Variants in EIPR1 observed in about 807,000 individuals in gnomAD.
The protein encoded by EIPR1 is EARP and GARP complex-interacting protein 1.
In EIPR1, 25 loss-of-function variants were observed where a neutral mutation model predicts 48.1. The ratio of observed to expected loss-of-function variants is 0.52; its 90% CI spans 0.38 to 0.73. The LOEUF (loss-of-function observed/expected upper bound fraction) is 0.73. Among genes scored for constraint, EIPR1 ranks in the 30% least tolerant of loss-of-function variants. EIPR1 has a pLI of 0.00. For synonymous variants in EIPR1, 204 were observed against 201.9 expected (o/e 1.01, Z -0.09); for missense variants, 415 against 506.2 (o/e 0.82, Z 1.73).
At chr2:3,307,135 G>T (rs1339744677) in intron 3 of EIPR1, among the ~76,000 whole-genome samples, 1 of 151,848 alleles carries the variant, frequency 6.6e-6, no homozygotes, top group Non-Finnish European at 1.5e-5. Flanking sequence ...GCTAATTTTT[G>T]TATTTTAGTA....
intron 1 of EIPR1, among the ~76,000 whole-genome samples, chr2:3,366,145 G>A (rs989276580): frequency 1.3e-5 from 2 of 151,996 alleles, no homozygotes; most frequent in Admixed American, 1.3e-4. Context: ...CTGTCTCTAC[G>A]AAAAATACAA....
intron 8 of EIPR1, among the ~76,000 whole-genome samples, chr2:3,190,004 G>C (rs1220199293): frequency 6.6e-6 from 1 of 152,118 alleles, no homozygotes; most frequent in Non-Finnish European, 1.5e-5. Flanking sequence ...AGCCTTGCTA[G>C]GATGGGAGTG....
chr2:3,229,802 A>G (rs1365462026), intron 4 of EIPR1, among the ~76,000 whole-genome samples: 1 of 152,212 alleles, frequency 6.6e-6, no homozygotes, highest in Non-Finnish European at 1.5e-5. Flanking sequence ...TCAACGGTTT[A>G]TCCTTCTGTT....
intron 4 of EIPR1, among the ~76,000 whole-genome samples, chr2:3,244,377 A>C (rs1306556612): frequency 1.3e-5 from 2 of 152,208 alleles, no homozygotes; most frequent in East Asian, 3.8e-4. Context: ...CAGGCATAAC[A>C]TTTTAAAATT....
chr2:3,194,272 G>T (rs914744376), intron 6 of EIPR1, 106 bp from the exon 7 acceptor site: 10 of 1,413,448 alleles, frequency 7.1e-6, no homozygotes, highest in East Asian at 2.3e-5. Context: ...CTAATCCCCC[G>T]GCCCAGGGTG....
At chr2:3,348,764 A>C (rs1320120341) in intron 2 of EIPR1, among the ~76,000 whole-genome samples, 3 of 152,242 alleles carry the variant, frequency 2.0e-5, no homozygotes, top group Admixed American at 2.0e-4. Context: ...GACCTGAGGC[A>C]ACACCAGGAG....
chr2:3,323,819 G>C (rs1243023460), intron 3 of EIPR1, among the ~76,000 whole-genome samples: 1 of 152,198 alleles, frequency 6.6e-6, no homozygotes, highest in East Asian at 1.9e-4. Context: ...TAGTATCACG[G>C]GGCTAAATGA....
At chr2:3,200,605 G>A (rs1177477309) in intron 5 of EIPR1, among the ~76,000 whole-genome samples, 9 of 152,160 alleles carry the variant, frequency 5.9e-5, no homozygotes, top group East Asian at 5.8e-4. Context: ...CAGCCGCCAC[G>A]TGTGGGGCCT....
chr2:3,365,925 GC>G (rs1204548657), intron 1 of EIPR1, among the ~76,000 whole-genome samples: 1 of 123,464 alleles, frequency 8.1e-6, no homozygotes, highest in Admixed American at 8.9e-5. Flanking sequence ...GGGGGAGTCA[GC>G]CCCCCGCCCG....
intron 3 of EIPR1, among the ~76,000 whole-genome samples, chr2:3,337,454 T>A (rs1670101673): frequency 6.6e-6 from 1 of 152,132 alleles, no homozygotes; most frequent in Non-Finnish European, 1.5e-5. Context: ...ATTTAGAAAG[T>A]ACTCATTGAC....
At chr2:3,240,854 GC>G (rs1666592799) in intron 4 of EIPR1, among the ~76,000 whole-genome samples, 1 of 140,572 alleles carries the variant, frequency 7.1e-6, no homozygotes, top group Non-Finnish European at 1.6e-5. Context: ...AGCAAAGCCA[GC>G]AGATCCCTCC....
intron 4 of EIPR1, among the ~76,000 whole-genome samples, chr2:3,247,970 C>T (rs958574399): frequency 6.6e-6 from 1 of 151,890 alleles, no homozygotes; most frequent in South Asian, 2.1e-4. Flanking sequence ...TTTAAGGGAG[C>T]GACATAGTCG....
chr2:3,265,687 C>T (rs965315246), intron 3 of EIPR1, among the ~76,000 whole-genome samples: 11 of 152,162 alleles, frequency 7.2e-5, no homozygotes, highest in African/African-American at 2.4e-4. Flanking sequence ...TGGCACAAAC[C>T]GCAGCAGCAC....
intron 3 of EIPR1, among the ~76,000 whole-genome samples, chr2:3,272,877 A>T (rs1261585911): frequency 6.6e-6 from 1 of 152,224 alleles, no homozygotes; most frequent in Non-Finnish European, 1.5e-5. Flanking sequence ...CCAGTGCAAT[A>T]CGATGAGGTG....
At chr2:3,287,131 G>A (rs968226019) in intron 3 of EIPR1, among the ~76,000 whole-genome samples, 10 of 152,208 alleles carry the variant, frequency 6.6e-5, no homozygotes, top group Admixed American at 2.0e-4. Context: ...CACCAAGCTC[G>A]TTCACCACGC....
chr2:3,266,691 G>C (rs1667499767), intron 3 of EIPR1, among the ~76,000 whole-genome samples: 1 of 152,232 alleles, frequency 6.6e-6, no homozygotes. Context: ...GTGCTGAGAA[G>C]TGGAGGTGTC....
intron 3 of EIPR1, among the ~76,000 whole-genome samples, chr2:3,271,837 G>C (rs1468551748): frequency 6.6e-6 from 1 of 152,212 alleles, no homozygotes; most frequent in Admixed American, 6.5e-5. Context: ...AAGCTTTGAA[G>C]CCAAGCTTTG....
chr2:3,219,445 T>C (rs536769447), intron 4 of EIPR1, among the ~76,000 whole-genome samples: 6 of 147,710 alleles, frequency 4.1e-5, no homozygotes, highest in East Asian at 2.1e-4. Context: ...GGCCCTGATA[T>C]GCTCTAGAGC....
intron 3 of EIPR1, among the ~76,000 whole-genome samples, chr2:3,295,664 T>C (rs1668548453): frequency 7.8e-6 from 1 of 127,742 alleles, no homozygotes; most frequent in Non-Finnish European, 1.6e-5. Context: ...CCGTCCTCTC[T>C]ACTCACACAC....
Sources: gnomAD v4.1 joint callset for allele counts (sites outside exome capture counted in the v4.1 genomes callset) on GRCh38, gnomAD v4.1.1 for gene constraint, MANE v1.5 for transcripts, NCBI Gene and HGNC (gene_info 2026-07-23, HGNC 2026-07-21) for gene names.